IGF2BP1: variants seen among roughly 807,000 people sequenced by gnomAD.
The protein encoded by IGF2BP1 is insulin like growth factor 2 mRNA binding protein 1.
A neutral mutation model predicts 74.9 loss-of-function variants in IGF2BP1; 11 were observed. The observed-to-expected ratio is 0.15, with a 90% CI of 0.09 to 0.24. The LOEUF (loss-of-function observed/expected upper bound fraction) is 0.24, where lower values mean the gene tolerates loss of function less well. IGF2BP1 is among the 10% of genes least tolerant of loss of function. The pLI, the probability that IGF2BP1 is intolerant of heterozygous loss-of-function variation, is 1.00. For missense variants in IGF2BP1, 440 were observed against 757.4 expected, an observed-to-expected ratio of 0.58 and a Z score of 4.92; for synonymous variants, 287 against 281.8, an observed-to-expected ratio of 1.02 and a Z score of -0.18.
At chr17:49,038,597 A>G in intron 6 of IGF2BP1, 148 bp downstream of exon 6, 1 of 780,042 alleles carries the variant, frequency 1.3e-6, no homozygotes, top group Non-Finnish European at 1.8e-6. Context: ...TGCTTCCAAT[A>G]CCAGCCTCCT....
chr17:48,997,083 T>C (rs142931238), upstream of IGF2BP1, among the ~76,000 whole-genome samples: 1 of 150,972 alleles, frequency 6.6e-6, no homozygotes, highest in Non-Finnish European at 1.5e-5. This position sits in a 1 kb window ranked among gnomAD's most constrained non-coding sequence, Gnocchi z 4.8. Context: ...CTTTAAGACA[T>C]GTGAGATCTG....
intron 14 of IGF2BP1, among the ~76,000 whole-genome samples, chr17:49,048,732 C>T (rs984529840): frequency 6.6e-6 from 1 of 152,130 alleles, no homozygotes; most frequent in Non-Finnish European, 1.5e-5. Flanking sequence ...TCCTGAGCCC[C>T]GCTTCCTGTC....
chr17:49,044,591 G>A lies in IGF2BP1; in HGVS notation c.1321-400G>A, dbSNP rs146615561. Among the ~76,000 whole-genome samples, 56 of 152,324 alleles carry A rather than the reference G, an allele frequency of 3.7e-4. 1 individual carries two copies. The East Asian group carries it at 0.01, about 28-fold the overall frequency. ...GTTAGAGTTTCACAAACCTAAATCCGGTTGCTTTAGTTGTCTTAAAAGCTT... is the reference window on the plus strand; with the variant it reads ...GTTAGAGTTTCACAAACCTAAATCCAGTTGCTTTAGTTGTCTTAAAAGCTT... On this transcript the variant is annotated intron_variant, in intron 11 of 14. Coordinates refer to ENST00000290341, the MANE Select transcript of IGF2BP1 (RefSeq NM_006546.4).
intron 5 of IGF2BP1, among the ~76,000 whole-genome samples, chr17:49,035,715 C>T (rs1296803127): frequency 3.3e-5 from 5 of 152,216 alleles, no homozygotes; most frequent in Non-Finnish European, 7.3e-5. Flanking sequence ...TGCCATTTTC[C>T]GGGCTGCTCG....
At chr17:49,029,143 CA>C (rs1167417921) in intron 4 of IGF2BP1, among the ~76,000 whole-genome samples, 2 of 146,444 alleles carry the variant, frequency 1.4e-5, no homozygotes, top group Non-Finnish European at 3.0e-5. Flanking sequence ...TCATCACTGT[CA>C]AATATTCTGT....
intron 2 of IGF2BP1, among the ~76,000 whole-genome samples, chr17:49,007,452 C>A (rs761367241): frequency 4.6e-5 from 7 of 152,242 alleles, no homozygotes; most frequent in Admixed American, 1.3e-4. Context: ...CATACACATA[C>A]ATACACACAC....
At chr17:49,046,663 G>A (rs11870618) in intron 14 of IGF2BP1, among the ~76,000 whole-genome samples, 20,207 of 148,692 alleles carry the variant, frequency 0.14, 1,466 homozygotes, top group African/African-American at 0.18. Flanking sequence ...TATATTATAT[G>A]TAAATATATA....
intron 2 of IGF2BP1, among the ~76,000 whole-genome samples, chr17:49,005,791 G>A (rs2041545362): frequency 6.6e-6 from 1 of 152,040 alleles, no homozygotes; most frequent in Non-Finnish European, 1.5e-5. Flanking sequence ...GACAGGCACG[G>A]TGGCTCACAT....
chr17:49,037,546 G>A (rs929643505), intron 5 of IGF2BP1: 1 of 180,472 alleles, frequency 5.5e-6, no homozygotes, highest in Non-Finnish European at 1.2e-5. Flanking sequence ...CCTAATTATG[G>A]AAATATTAAT....
Position 49,038,565 on chromosome 17 carries a change from G to C in IGF2BP1, c.683+116G>C, listed in dbSNP as rs946196663. The C allele has an allele frequency of 2.7e-6, 3 of 1,122,974 alleles. No individual in the cohort carries two copies. In the Admixed American group the frequency reaches 1.2e-4, roughly 45 times the overall value. 69.6% of individuals were successfully genotyped at this position (1,122,974 alleles called of 1,614,324 possible). A position where few individuals can be genotyped will look rare whatever the true frequency, so the allele number is the denominator to read the frequency against. Reference sequence around the variant, plus strand: ...CAACATTTACCTTTTAGGAAATGTTGCCTGGAGCATTCAGGGGTCCCTGCT... The same window carrying C: ...CAACATTTACCTTTTAGGAAATGTTCCCTGGAGCATTCAGGGGTCCCTGCT... On this transcript the variant is annotated intron_variant, in intron 6 of 14. Coordinates refer to ENST00000290341, the MANE Select transcript of IGF2BP1 (RefSeq NM_006546.4).
intron 2 of IGF2BP1, among the ~76,000 whole-genome samples, chr17:49,022,612 C>A (rs570233482): frequency 6.6e-6 from 1 of 152,108 alleles, no homozygotes; most frequent in Non-Finnish European, 1.5e-5. Flanking sequence ...CCTCCTCCCC[C>A]TCCCTCTCCT....
At position 49,050,954 on chromosome 17, in the gene IGF2BP1, G is replaced by T. The variant is rs1314170004; in HGVS notation, c.*1510G>T. ...TCAAGTGTGCTGGGAAGGGAGGAAG[G>T]CCTCTCTACATATGGAAAAGCCCAT... is the stretch of plus-strand genomic sequence containing the variant. On this transcript the variant is annotated 3_prime_UTR_variant, in exon 15 of 15. Coordinates refer to ENST00000290341, the MANE Select transcript of IGF2BP1 (RefSeq NM_006546.4). The T allele has an allele frequency of 6.6e-6, 1 of 152,548 alleles. No individual in the cohort carries two copies. Among genetic ancestry groups the T allele is most frequent in the African/African-American group, 2.4e-5 (1 of 41,416 alleles). 9.4% of individuals were successfully genotyped at this position (152,548 alleles called of 1,614,324 possible).
At chr17:49,043,579 C>A in intron 10 of IGF2BP1, 29 bp downstream of exon 10, 1 of 1,610,814 alleles carries the variant, frequency 6.2e-7, no homozygotes, top group Non-Finnish European at 8.5e-7. Flanking sequence ...TACACGGGAT[C>A]CCTGGGCCCA....
intron 4 of IGF2BP1, among the ~76,000 whole-genome samples, chr17:49,028,711 C>T (rs2041884860): frequency 6.6e-6 from 1 of 152,204 alleles, no homozygotes; most frequent in African/African-American, 2.4e-5. Flanking sequence ...AAATGTTTGA[C>T]TTTGTTGGAC....
At chr17:48,999,087 A>ATT (rs369408885) in intron 1 of IGF2BP1, 22 bp from the exon 2 acceptor site, 850 of 1,158,774 alleles carry the variant, frequency 7.3e-4, no homozygotes, top group East Asian at 1.7e-3. Context: ...TCTCATGGTA[A>ATT]TTTTTTTTTT....
At chr17:48,997,308 C>CG (rs2041416477), upstream of IGF2BP1, 1 of 146,856 alleles carries the variant, frequency 6.8e-6, no homozygotes, top group African/African-American at 2.5e-5. This position sits in a 1 kb window ranked among gnomAD's most constrained non-coding sequence, Gnocchi z 4.8. Flanking sequence ...GGCCCTGTGG[C>CG]GTCGGGGGTC....
chr17:49,048,256 CTT>C (rs1006855451), intron 14 of IGF2BP1, among the ~76,000 whole-genome samples: 12 of 142,212 alleles, frequency 8.4e-5, no homozygotes, highest in African/African-American at 1.5e-4. Context: ...TTTATTTTTA[CTT>C]TTTTTTTTTT....
rs2041423856 is a variant in IGF2BP1 at position 48,997,677 on chromosome 17, G to A, written c.-69G>A. On this transcript the variant is annotated 5_prime_UTR_variant, in exon 1 of 15. Coordinates refer to ENST00000290341, the MANE Select transcript of IGF2BP1 (RefSeq NM_006546.4). This position sits in a 1 kb window ranked among gnomAD's most constrained non-coding sequence, Gnocchi z 4.8. Reference sequence around the variant, plus strand: ...GCCGGCCTCTCCGCCTCTTGGCCTAGGAGGCTCGCCGCCCGCGCCCGCTCG... The same window carrying A: ...GCCGGCCTCTCCGCCTCTTGGCCTAAGAGGCTCGCCGCCCGCGCCCGCTCG... 6.5e-7 allele frequency: 1 copy of A among 1,544,180 alleles called. No individual in the cohort carries two copies. Among genetic ancestry groups the A allele is most frequent in the Non-Finnish European group, 8.8e-7 (1 of 1,133,160 alleles).
chr17:48,997,709 C>G lies in IGF2BP1; in HGVS notation c.-37C>G, dbSNP rs774752760. ...CGCCGCCCGCGCCCGCTCGTTCGGCCTTGCCCGGGACCGCGTCCTGCCCCG... is the reference window on the plus strand; with the variant it reads ...CGCCGCCCGCGCCCGCTCGTTCGGCGTTGCCCGGGACCGCGTCCTGCCCCG... On this transcript the variant is annotated 5_prime_UTR_variant, in exon 1 of 15. Transcript: ENST00000290341. The surrounding 1 kb of genome is among the most constrained non-coding windows in gnomAD (Gnocchi z 4.8). 2 of 1,600,914 alleles carry G rather than the reference C, an allele frequency of 1.2e-6. No homozygotes were observed. The highest frequency in any genetic ancestry group is 1.7e-6 in the Non-Finnish European group (2 of 1,172,918).
Sources: allele counts gnomAD v4.1 joint callset (sites outside exome capture counted in the v4.1 genomes callset), GRCh38; gene constraint gnomAD v4.1.1; non-coding constraint Gnocchi (gnomAD v3.1); transcripts MANE v1.5; gene names NCBI Gene and HGNC (gene_info 2026-07-23, HGNC 2026-07-21).